PTPRM: variants seen among roughly 807,000 people sequenced by gnomAD.
The protein encoded by PTPRM is receptor-type tyrosine-protein phosphatase mu.
PTPRM carries 47 observed loss-of-function variants against 186.7 expected under a neutral mutation model. The observed-to-expected ratio is 0.25, with a 90% CI of 0.20 to 0.32. The LOEUF (loss-of-function observed/expected upper bound fraction) is 0.32. Ranked by LOEUF, PTPRM falls within the 10% of genes least tolerant of loss-of-function variation. The probability of loss-of-function intolerance (pLI) is 1.00; values close to 1 mark genes in which losing one functional copy is unlikely to be tolerated. For missense variants in PTPRM, 1,494 were observed against 1,865.0 expected, an observed-to-expected ratio of 0.80 and a Z score of 3.66; for synonymous variants, 668 against 674.9, an observed-to-expected ratio of 0.99 and a Z score of 0.16.
chr18:8,112,011 C>T (rs1178625016), intron 11 of PTPRM, among the ~76,000 whole-genome samples: 14 of 152,172 alleles, frequency 9.2e-5, no homozygotes, highest in Admixed American at 9.2e-4. Flanking sequence ...TCCACTTTGA[C>T]CTTGACCCTT....
Position 8,330,756 on chromosome 18 carries a change from G to A in PTPRM, c.2956+11542G>A, listed in dbSNP as rs145605962. Among the ~76,000 whole-genome samples the A allele has an allele frequency of 6.6e-3, 1,002 of 151,780 alleles. 13 individuals carry two copies. The highest frequency in any genetic ancestry group is 0.023 in the African/African-American group (935 of 41,384). ...TTTCTGAGCGTTCTCTTTGGAGACC[G>A]ACACTGATGAATGCTCTGTACCTCC... On this transcript the variant is annotated intron_variant, in intron 22 of 32. Transcript: ENST00000580170.
chr18:7,609,008 T>A (rs2037606264), intron 1 of PTPRM, among the ~76,000 whole-genome samples: 1 of 152,184 alleles, frequency 6.6e-6, no homozygotes, highest in African/African-American at 2.4e-5. Flanking sequence ...GAGGCAGATG[T>A]CAGGGTCAGC....
At chr18:7,575,832 G>T (rs953749866) in intron 1 of PTPRM, among the ~76,000 whole-genome samples, 1 of 152,160 alleles carries the variant, frequency 6.6e-6, no homozygotes, top group Non-Finnish European at 1.5e-5. Context: ...ATGAAAATCT[G>T]CCTGGAAATC....
At chr18:7,617,040 C>T (rs996417994) in intron 1 of PTPRM, among the ~76,000 whole-genome samples, 5 of 152,084 alleles carry the variant, frequency 3.3e-5, no homozygotes, top group Admixed American at 1.3e-4. Flanking sequence ...GGGTATTAAA[C>T]GTAATATGTT....
intron 4 of PTPRM, among the ~76,000 whole-genome samples, chr18:7,919,587 A>G (rs2050747797): frequency 6.6e-6 from 1 of 152,142 alleles, no homozygotes; most frequent in East Asian, 1.9e-4. Context: ...ACTTCATATT[A>G]TTTCTACTTT....
At chr18:7,618,477 G>A (rs1157560422) in intron 1 of PTPRM, among the ~76,000 whole-genome samples, 3 of 152,130 alleles carry the variant, frequency 2.0e-5, no homozygotes, top group Non-Finnish European at 4.4e-5. Context: ...TTTAGTAGGA[G>A]TAGTAAATTG....
chr18:8,034,002 C>T (rs1886530301), intron 7 of PTPRM, among the ~76,000 whole-genome samples: 1 of 152,132 alleles, frequency 6.6e-6, no homozygotes. Flanking sequence ...CTGCCTCCAT[C>T]TTCATGTGGC....
chr18:7,910,637 T>C (rs562772854), intron 4 of PTPRM, among the ~76,000 whole-genome samples: 2 of 152,270 alleles, frequency 1.3e-5, no homozygotes, highest in Non-Finnish European at 2.9e-5. Flanking sequence ...ATCTGATTGG[T>C]TGCAGAAAGT....
At chr18:8,161,241 T>C (rs2093223741) in intron 14 of PTPRM, among the ~76,000 whole-genome samples, 1 of 152,238 alleles carries the variant, frequency 6.6e-6, no homozygotes, top group Non-Finnish European at 1.5e-5. Context: ...GTGTCTTTGC[T>C]GAGAATTACC....
At chr18:8,143,911 A>C in intron 14 of PTPRM, 132 bp downstream of exon 14, 1 of 1,201,828 alleles carries the variant, frequency 8.3e-7, no homozygotes, top group Non-Finnish European at 1.2e-6. Flanking sequence ...GTGATTGTTA[A>C]CATTTTTCAT....
intron 1 of PTPRM, among the ~76,000 whole-genome samples, chr18:7,576,312 G>C (rs1200490438): frequency 6.6e-6 from 1 of 152,182 alleles, no homozygotes; most frequent in Non-Finnish European, 1.5e-5. Context: ...TGCATACAAT[G>C]AGAAGAGTGC....
chr18:8,218,177 A>G (rs1397607105), intron 14 of PTPRM, among the ~76,000 whole-genome samples: 2 of 152,186 alleles, frequency 1.3e-5, no homozygotes, highest in African/African-American at 2.4e-5. Flanking sequence ...AATGTTTGCT[A>G]TAATGGAGAA....
In PTPRM at chr18:8,297,043, C is replaced by A. The variant is rs114754359; in HGVS notation, c.2842+588C>A. 3.9e-3 allele frequency among the ~76,000 whole-genome samples: 591 copies of A among 152,208 alleles called. 4 individuals carry two copies. The highest frequency in any genetic ancestry group is 0.014 in the African/African-American group (564 of 41,530). ...GTAATGCCTTGGATGGTTTCTAAGT[C>A]GAGCCCAGCCTCATTAATGTTGCGT... On this transcript the variant is annotated intron_variant, in intron 20 of 32. Transcript: ENST00000580170.
At chr18:7,754,935 G>C (rs2041401268) in intron 1 of PTPRM, 1 of 152,244 alleles carries the variant, frequency 6.6e-6, no homozygotes. Context: ...GCACAGGCTG[G>C]ATGAGTGGCC....
chr18:7,587,894 T>C (rs1045798505), intron 1 of PTPRM, among the ~76,000 whole-genome samples: 2 of 152,128 alleles, frequency 1.3e-5, no homozygotes, highest in Admixed American at 6.5e-5. Flanking sequence ...AAGTCTAACA[T>C]AGTTTTTAAT....
At chr18:7,981,924 C>T (rs940886981) in intron 7 of PTPRM, among the ~76,000 whole-genome samples, 1 of 152,088 alleles carries the variant, frequency 6.6e-6, no homozygotes, top group African/African-American at 2.4e-5. Flanking sequence ...AAATGGCACA[C>T]CTGTACAGGA....
chr18:8,174,260 G>A (rs544369503), intron 14 of PTPRM, among the ~76,000 whole-genome samples: 1 of 152,208 alleles, frequency 6.6e-6, no homozygotes, highest in South Asian at 2.1e-4. Flanking sequence ...TTTAGTTTTG[G>A]GGAAGGGTTA....
At chr18:8,072,256 G>A (rs2089527238) in intron 8 of PTPRM, among the ~76,000 whole-genome samples, 1 of 152,140 alleles carries the variant, frequency 6.6e-6, no homozygotes, top group Non-Finnish European at 1.5e-5. Context: ...GAAATAAAAT[G>A]CAGTCACTTC....
chr18:8,140,080 C>A (rs559159609), intron 13 of PTPRM, among the ~76,000 whole-genome samples: 4 of 152,326 alleles, frequency 2.6e-5, no homozygotes, highest in Admixed American at 2.6e-4. Context: ...TGCAGCTGAG[C>A]TGTCCCTGCG....
Sources: allele counts gnomAD v4.1 joint callset (sites outside exome capture counted in the v4.1 genomes callset), GRCh38; gene constraint gnomAD v4.1.1; transcripts MANE v1.5; gene names NCBI Gene and HGNC (gene_info 2026-07-23, HGNC 2026-07-21).